Variants in USH2A observed in about 807,000 individuals in gnomAD.
The protein encoded by USH2A is usherin.
Under a neutral mutation model 538.9 loss-of-function variants are expected in USH2A, and 443 were observed. The ratio of observed to expected loss-of-function variants is 0.82; its 90% CI spans 0.76 to 0.89. USH2A has a LOEUF of 0.89. USH2A is among the 40% of genes least tolerant of loss of function. USH2A has a pLI of 0.00. For missense variants in USH2A, 6,633 were observed against 6,324.8 expected, an observed-to-expected ratio of 1.05 and a Z score of -1.65; for synonymous variants, 2,413 against 2,273.5, an observed-to-expected ratio of 1.06 and a Z score of -1.75.
intron 40 of USH2A, among the ~76,000 whole-genome samples, chr1:215,899,545 G>T (rs1417417845): frequency 6.6e-6 from 1 of 151,918 alleles, no homozygotes; most frequent in Non-Finnish European, 1.5e-5. Flanking sequence ...TCTCTTTATT[G>T]GTTGAATAAA....
At chr1:215,702,475 T>C (rs1220669378) in intron 61 of USH2A, among the ~76,000 whole-genome samples, 3 of 152,168 alleles carry the variant, frequency 2.0e-5, no homozygotes, top group African/African-American at 7.2e-5. Flanking sequence ...GTAGGTTTGA[T>C]CTTTTCACAT....
In USH2A at chr1:215,934,628, T is replaced by C. The variant is rs1307935700; in HGVS notation, c.7288A>G (p.Met2430Val). Residue 2430 changes from methionine (M) to valine (V), a missense_variant, in exon 38 of 72, where the codon ATG (methionine) becomes GTG (valine). Physicochemically the swap from Met to Val is conservative, Grantham distance 21 (BLOSUM62 1). Coordinates refer to ENST00000307340, the MANE Select transcript of USH2A (RefSeq NM_206933.4). ...SLITDPITIA[M>V]PPGAPDGVLP... ...TGCATAGACTTACCTCCTGGAGGCA[T>C]TGCAATTGTTATAGGATCAGTTATC... 2 of 1,612,152 alleles carry C rather than the reference T, an allele frequency of 1.2e-6. No homozygotes were observed. Among genetic ancestry groups the C allele is most frequent in the Non-Finnish European group, 1.7e-6 (2 of 1,178,682 alleles).
At chr1:216,339,928 G>A (rs759751888) in intron 4 of USH2A, among the ~76,000 whole-genome samples, 96 of 151,932 alleles carry the variant, frequency 6.3e-4, no homozygotes, top group Admixed American at 1.1e-3. Flanking sequence ...AAAAGAACTA[G>A]AGAAGCAAGA....
intron 44 of USH2A, among the ~76,000 whole-genome samples, chr1:215,853,280 T>C (rs1461226012): frequency 6.6e-6 from 1 of 152,184 alleles, no homozygotes; most frequent in Non-Finnish European, 1.5e-5. Context: ...AAGCTCTACA[T>C]TGGGGCCTTT....
chr1:216,191,974 T>C (rs2102656770), intron 19 of USH2A, among the ~76,000 whole-genome samples: 1 of 152,222 alleles, frequency 6.6e-6, no homozygotes. Flanking sequence ...AAATACATTA[T>C]TGGCCCCAGA....
chr1:216,409,134 A>G (rs919748853), intron 3 of USH2A, among the ~76,000 whole-genome samples: 123 of 152,238 alleles, frequency 8.1e-4, no homozygotes, highest in African/African-American at 2.9e-3. Flanking sequence ...TCGCCACAAA[A>G]AGAATAAAAT....
intron 32 of USH2A, among the ~76,000 whole-genome samples, chr1:216,020,622 T>C (rs920773337): frequency 4.6e-5 from 7 of 152,226 alleles, no homozygotes; most frequent in African/African-American, 1.4e-4. Flanking sequence ...CCTAGACTAC[T>C]TCAAAATAAG....
At chr1:215,771,048 A>G (rs1444600355) in intron 55 of USH2A, among the ~76,000 whole-genome samples, 2 of 150,846 alleles carry the variant, frequency 1.3e-5, no homozygotes, top group Non-Finnish European at 2.9e-5. Flanking sequence ...AATTGCTTGA[A>G]CCTGGGAGGC....
intron 55 of USH2A, among the ~76,000 whole-genome samples, chr1:215,778,286 A>G (rs1661521844): frequency 6.6e-6 from 1 of 152,178 alleles, no homozygotes; most frequent in Admixed American, 6.5e-5. Context: ...TCCTGACCTC[A>G]GGTGATCCGG....
intron 19 of USH2A, among the ~76,000 whole-genome samples, chr1:216,196,335 TA>T (rs1379204909): frequency 6.6e-6 from 1 of 152,030 alleles, no homozygotes; most frequent in Non-Finnish European, 1.5e-5. Context: ...TCTTATGAAA[TA>T]AATTATACCA....
intron 11 of USH2A, among the ~76,000 whole-genome samples, chr1:216,252,936 G>C (rs912833671): frequency 6.6e-6 from 1 of 152,132 alleles, no homozygotes; most frequent in African/African-American, 2.4e-5. Context: ...CCATAACTCA[G>C]GCCTGAGTCT....
intron 32 of USH2A, among the ~76,000 whole-genome samples, chr1:216,012,733 G>A (rs530791993): frequency 2.0e-5 from 3 of 152,282 alleles, no homozygotes; most frequent in South Asian, 4.1e-4. Context: ...AAAAGGACTG[G>A]ACAATACTTT....
At position 216,291,917 on chromosome 1, in the gene USH2A, AAAAACAAAAC is replaced by A. The variant is rs905566535; in HGVS notation, c.1840+248_1840+257del. Among the ~76,000 whole-genome samples, 53 of 152,282 alleles carry A rather than the reference AAAAACAAAAC, an allele frequency of 3.5e-4. 1 individual carries two copies. Among genetic ancestry groups the A allele is most frequent in the Middle Eastern group, 3.4e-3 (1 of 294 alleles). ...TTAGTCAAATGGTGTGAACTCTTTA[AAAAACAAAAC>A]AAAACAAAACAACAACAACAAAATC... On this transcript the variant is annotated intron_variant, in intron 10 of 71. Transcript: ENST00000307340.
chr1:216,246,518 A>G, intron 13 of USH2A, 67 bp downstream of exon 13: 2 of 1,609,124 alleles, frequency 1.2e-6, no homozygotes, highest in Non-Finnish European at 8.5e-7. Context: ...AGAAACAGGG[A>G]GAAGTTACCT....
chr1:215,824,477 G>A (rs1328743682), intron 47 of USH2A, among the ~76,000 whole-genome samples: 2 of 152,062 alleles, frequency 1.3e-5, no homozygotes, highest in Non-Finnish European at 2.9e-5. Flanking sequence ...AAATAGGGGA[G>A]GTTCCAAAGG....
intron 47 of USH2A, among the ~76,000 whole-genome samples, chr1:215,835,650 C>T (rs1233829764): frequency 1.3e-5 from 2 of 152,106 alleles, no homozygotes; most frequent in East Asian, 3.9e-4. Flanking sequence ...TGTGTCTCAC[C>T]CCATGATTTC....
chr1:216,090,521 T>A (rs1286520910), intron 22 of USH2A, among the ~76,000 whole-genome samples: 1 of 151,206 alleles, frequency 6.6e-6, no homozygotes, highest in Non-Finnish European at 1.5e-5. Context: ...TACAGACAAC[T>A]CCATCAGCTA....
At chr1:216,154,788 A>G (rs2033905377) in intron 21 of USH2A, among the ~76,000 whole-genome samples, 1 of 152,214 alleles carries the variant, frequency 6.6e-6, no homozygotes, top group South Asian at 2.1e-4. Context: ...CTAGTATTTC[A>G]TCACATACAT....
chr1:216,011,393 C>G (rs940547811), intron 32 of USH2A, among the ~76,000 whole-genome samples: 2 of 152,174 alleles, frequency 1.3e-5, no homozygotes, highest in East Asian at 3.9e-4. Flanking sequence ...TTACTTCAAT[C>G]AAGCCCAAAT....
Sources: allele counts gnomAD v4.1 joint callset (sites outside exome capture counted in the v4.1 genomes callset), GRCh38; gene constraint gnomAD v4.1.1; transcripts MANE v1.5; gene names NCBI Gene and HGNC (gene_info 2026-07-23, HGNC 2026-07-21).